NTNG1: variants seen among roughly 807,000 people sequenced by gnomAD.
NTNG1 encodes the protein netrin G1.
A neutral mutation model predicts 54.0 loss-of-function variants in NTNG1; 16 were observed. That is an observed-to-expected ratio of 0.30 (90% CI 0.20 to 0.45). The LOEUF is 0.45. NTNG1 is among the 20% of genes least tolerant of loss of function. NTNG1 has a pLI of 1.00. For synonymous variants in NTNG1, 255 were observed against 263.1 expected (o/e 0.97, Z 0.30); for missense variants, 530 against 678.7 (o/e 0.78, Z 2.43).
chr1:107,443,643 A>G (rs943741162), intron 7 of NTNG1, among the ~76,000 whole-genome samples: 1 of 152,148 alleles, frequency 6.6e-6, no homozygotes, highest in African/African-American at 2.4e-5. Flanking sequence ...GAATTCATTG[A>G]CAGGCAGCAT....
At chr1:107,333,749 A>G (rs1055783404) in intron 3 of NTNG1, among the ~76,000 whole-genome samples, 3 of 151,556 alleles carry the variant, frequency 2.0e-5, no homozygotes, top group African/African-American at 7.3e-5. Flanking sequence ...CATCCTTCCT[A>G]TATTACTGCT....
intron 2 of NTNG1, among the ~76,000 whole-genome samples, chr1:107,175,273 T>C (rs1044044384): frequency 3.9e-5 from 6 of 152,162 alleles, no homozygotes; most frequent in African/African-American, 1.2e-4. Flanking sequence ...TACTGGTATG[T>C]TATATCCTGA....
chr1:107,144,343 C>A lies in NTNG1; in HGVS notation c.-526+3203C>A, dbSNP rs1184742453. ...TTCTTAATGTGAATGAGGAATGAGT[C>A]AATAGTTGTGTATTTCAGGTACCCC... On this transcript the variant is annotated intron_variant, in intron 1 of 7. Coordinates refer to ENST00000370068, the MANE Select transcript of NTNG1 (RefSeq NM_001113226.3). Among the ~76,000 whole-genome samples, 4 of 151,978 alleles carry A rather than the reference C, an allele frequency of 2.6e-5. No individual in the cohort carries two copies. In the East Asian group the frequency reaches 7.7e-4, roughly 29 times the overall value.
chr1:107,184,980 G>C (rs1657343050), intron 2 of NTNG1, among the ~76,000 whole-genome samples: 4 of 152,118 alleles, frequency 2.6e-5, no homozygotes, highest in African/African-American at 9.7e-5. Context: ...GGATCATCTT[G>C]AGTTGAGGTG....
Position 107,362,248 on chromosome 1 carries a change from G to T in NTNG1, c.888-32906G>T, listed in dbSNP as rs1478620493. 2.6e-5 allele frequency among the ~76,000 whole-genome samples: 4 copies of T among 152,106 alleles called. No individual in the cohort carries two copies. The South Asian group carries it at 8.3e-4, about 32-fold the overall frequency. Reference sequence around the variant, plus strand: ...AAAATAATTGCTATTTAAAAGAGACGGTTACACCTTGCCCAAAGGAATAAC... The same window carrying T: ...AAAATAATTGCTATTTAAAAGAGACTGTTACACCTTGCCCAAAGGAATAAC... On this transcript the variant is annotated intron_variant, in intron 3 of 7. Coordinates refer to ENST00000370068, the MANE Select transcript of NTNG1 (RefSeq NM_001113226.3).
chr1:107,175,981 A>G (rs1656615511), intron 2 of NTNG1, among the ~76,000 whole-genome samples: 1 of 152,164 alleles, frequency 6.6e-6, no homozygotes, highest in African/African-American at 2.4e-5. Flanking sequence ...GCAATTCAGT[A>G]CAAATCAATA....
intron 7 of NTNG1, among the ~76,000 whole-genome samples, chr1:107,468,967 G>A (rs11185120): frequency 0.41 from 62,068 of 151,596 alleles, 12,975 homozygotes; most frequent in Non-Finnish European, 0.44. Flanking sequence ...GTGGTGGCGC[G>A]CGCCTATAAT....
rs1231821658 is a variant in NTNG1, at chr1:107,148,960, G to T, written c.246+121G>T. ...AGTTGAATCTGCAGGTGGCAGATTT[G>T]TGTTAACAGGCTAGTTTCTTTCTCA... On this transcript the variant is annotated intron_variant, in intron 2 of 7. Coordinates refer to ENST00000370068, the MANE Select transcript of NTNG1 (RefSeq NM_001113226.3). 3.1e-6 allele frequency: 3 copies of T among 962,460 alleles called. No individual in the cohort carries two copies. In the African/African-American group the frequency reaches 4.9e-5, roughly 16 times the overall value. The allele number at this position is 962,460 out of a possible 1,614,324, so 59.6% of individuals were successfully genotyped here.
intron 1 of NTNG1, among the ~76,000 whole-genome samples, chr1:107,142,541 C>A: frequency 6.6e-6 from 1 of 151,894 alleles, no homozygotes; most frequent in South Asian, 2.1e-4. Context: ...AATTGTCAAT[C>A]TTTGGAATGG....
chr1:107,199,192 T>A (rs918713702), intron 2 of NTNG1, among the ~76,000 whole-genome samples: 1 of 151,870 alleles, frequency 6.6e-6, no homozygotes, highest in Non-Finnish European at 1.5e-5. Flanking sequence ...ATTTTATGAT[T>A]TTATTACCTT....
At position 107,482,218 on chromosome 1, in the gene NTNG1, T is replaced by C. The variant is rs150741784; in HGVS notation, c.*1378T>C. ...ATGCTGATCTATGTATCTTTCCAAA[T>C]ACAGTGTTTACATGGAGTATCACAA... On this transcript the variant is annotated 3_prime_UTR_variant, in exon 8 of 8. Coordinates refer to ENST00000370068, the MANE Select transcript of NTNG1 (RefSeq NM_001113226.3). The C allele has an allele frequency of 5.5e-4, 83 of 152,278 alleles. No homozygotes were observed. The East Asian group carries it at 9.1e-3, about 17-fold the overall frequency. 9.4% of individuals were successfully genotyped at this position (152,278 alleles called of 1,614,324 possible). A position where few individuals can be genotyped will look rare whatever the true frequency, so the allele number is the denominator to read the frequency against.
intron 7 of NTNG1, among the ~76,000 whole-genome samples, chr1:107,477,898 G>T (rs1198912150): frequency 2.0e-5 from 3 of 152,198 alleles, no homozygotes; most frequent in Non-Finnish European, 4.4e-5. Context: ...GCATTTTAAT[G>T]ACATTAATAT....
At chr1:107,341,655 C>T (rs1164058005) in intron 3 of NTNG1, among the ~76,000 whole-genome samples, 2 of 152,090 alleles carry the variant, frequency 1.3e-5, no homozygotes, top group African/African-American at 2.4e-5. Flanking sequence ...ACAGTCCTAA[C>T]ATTGTCACCT....
At chr1:107,422,342 G>A (rs1298693496) in intron 5 of NTNG1, among the ~76,000 whole-genome samples, 1 of 151,936 alleles carries the variant, frequency 6.6e-6, no homozygotes, top group Non-Finnish European at 1.5e-5. Flanking sequence ...AGGAGGTGAA[G>A]GAGAAAGGAA....
chr1:107,200,742 A>G lies in NTNG1; in HGVS notation c.246+51903A>G, dbSNP rs118136002. Among the ~76,000 whole-genome samples the G allele has an allele frequency of 8.8e-4, 134 of 151,906 alleles. 2 individuals are homozygous for G. The East Asian group carries it at 0.02, about 23-fold the overall frequency. Reference sequence around the variant, plus strand: ...GCTTGATTTTCTATTTGAAAAATCAATTTCCTCCCTGAGCCCCTCCTATTA... The same window carrying G: ...GCTTGATTTTCTATTTGAAAAATCAGTTTCCTCCCTGAGCCCCTCCTATTA... On this transcript the variant is annotated intron_variant, in intron 2 of 7. Transcript: ENST00000370068.
At chr1:107,260,253 G>A (rs954737130) in intron 2 of NTNG1, among the ~76,000 whole-genome samples, 1 of 152,182 alleles carries the variant, frequency 6.6e-6, no homozygotes, top group African/African-American at 2.4e-5. Context: ...CTGACCTTGA[G>A]AAGAGTGATT....
chr1:107,451,226 A>G (rs1558009453), intron 7 of NTNG1, among the ~76,000 whole-genome samples: 1 of 151,292 alleles, frequency 6.6e-6, no homozygotes, highest in Non-Finnish European at 1.5e-5. Flanking sequence ...TTTTTATGCT[A>G]GAAAGACTAA....
At chr1:107,455,935 G>A (rs1284120226) in intron 7 of NTNG1, among the ~76,000 whole-genome samples, 3 of 152,136 alleles carry the variant, frequency 2.0e-5, no homozygotes, top group Non-Finnish European at 4.4e-5. Flanking sequence ...TATAGTGATT[G>A]CACATCCTAA....
At chr1:107,296,441 G>T (rs1030920396) in intron 2 of NTNG1, among the ~76,000 whole-genome samples, 1 of 151,814 alleles carries the variant, frequency 6.6e-6, no homozygotes, top group Non-Finnish European at 1.5e-5. Flanking sequence ...ACTGGAAAAA[G>T]ACAGTTTTTA....
Sources: allele counts gnomAD v4.1 joint callset (sites outside exome capture counted in the v4.1 genomes callset), GRCh38; gene constraint gnomAD v4.1.1; transcripts MANE v1.5; gene names NCBI Gene and HGNC (gene_info 2026-07-23, HGNC 2026-07-21).